The following C12orf42 variants were observed in gnomAD, a reference collection of about 807,000 sequenced individuals.
The protein encoded by C12orf42 is uncharacterized protein C12orf42.
Under a neutral mutation model 21.6 loss-of-function variants are expected in C12orf42, and 25 were observed. That is an observed-to-expected ratio of 1.16 (90% CI 0.84 to 1.62). The LOEUF is 1.62. Among genes scored for constraint, C12orf42 ranks in the 40% most tolerant of loss-of-function variants. C12orf42 has a pLI of 0.00. For synonymous variants in C12orf42, 174 were observed against 175.0 expected (o/e 0.99, Z 0.05); for missense variants, 483 against 459.3 (o/e 1.05, Z -0.47).
At chr12:103,455,539 A>G (rs540412684) in intron 2 of C12orf42, among the ~76,000 whole-genome samples, 10 of 152,184 alleles carry the variant, frequency 6.6e-5, no homozygotes, top group African/African-American at 4.8e-5. Context: ...TGACATCACC[A>G]TCTTGGTCAC....
the C12orf42 span, among the ~76,000 whole-genome samples, chr12:103,213,618 T>A: frequency 6.6e-6 from 1 of 152,182 alleles, no homozygotes. Flanking sequence ...CTCCCCTGGA[T>A]CTTCGTGCAG....
intron 3 of C12orf42, among the ~76,000 whole-genome samples, chr12:103,371,473 T>C (rs1248074939): frequency 6.7e-6 from 1 of 148,464 alleles, no homozygotes; most frequent in African/African-American, 2.4e-5. Context: ...TATAAGACTT[T>C]TTTGCTGCTA....
chr12:103,170,306 T>C, the C12orf42 span, among the ~76,000 whole-genome samples: 1 of 152,196 alleles, frequency 6.6e-6, no homozygotes, highest in Non-Finnish European at 1.5e-5. Context: ...CATTTGGATG[T>C]CTAGCCTTAC....
intron 4 of C12orf42, among the ~76,000 whole-genome samples, chr12:103,322,133 A>G (rs929635774): frequency 8.2e-5 from 11 of 134,714 alleles, no homozygotes; most frequent in Admixed American, 2.1e-4. Context: ...GCGCACACAC[A>G]CACACACACA....
At chr12:103,502,780 C>T in the C12orf42 span, among the ~76,000 whole-genome samples, 7 of 152,172 alleles carry the variant, frequency 4.6e-5, no homozygotes, top group Non-Finnish European at 1.0e-4. Context: ...ATTAAGCTAC[C>T]TCTGGGGATT....
the C12orf42 span, among the ~76,000 whole-genome samples, chr12:103,542,872 T>C: frequency 2.6e-5 from 4 of 152,248 alleles, no homozygotes; most frequent in Non-Finnish European, 4.4e-5. Flanking sequence ...TTGCCTGCAC[T>C]ATTGCTGCAG....
At chr12:103,436,026 A>T (rs1272865253) in intron 2 of C12orf42, among the ~76,000 whole-genome samples, 1 of 152,012 alleles carries the variant, frequency 6.6e-6, no homozygotes. Flanking sequence ...CCTCAAAGGG[A>T]AGCCCATCAG....
chr12:103,219,069 T>G, the C12orf42 span, among the ~76,000 whole-genome samples: 1 of 152,094 alleles, frequency 6.6e-6, no homozygotes, highest in Non-Finnish European at 1.5e-5. Context: ...GACAGAACTG[T>G]TCATTCCCCT....
chr12:103,095,405 A>AC, the C12orf42 span, among the ~76,000 whole-genome samples: 2 of 152,070 alleles, frequency 1.3e-5, no homozygotes, highest in Admixed American at 1.3e-4. Context: ...CTGCCCTTGA[A>AC]CACACCAGGT....
At chr12:103,058,919 A>G in the C12orf42 span, among the ~76,000 whole-genome samples, 20 of 152,162 alleles carry the variant, frequency 1.3e-4, no homozygotes, top group Non-Finnish European at 2.2e-4. Context: ...CAATTAAAAG[A>G]ACTAGAGAAA....
At chr12:103,205,247 T>C in the C12orf42 span, among the ~76,000 whole-genome samples, 1 of 152,344 alleles carries the variant, frequency 6.6e-6, no homozygotes, top group Non-Finnish European at 1.5e-5. Flanking sequence ...TAGTTCGTTT[T>C]CACACTGCTA....
chr12:103,375,454 T>G (rs1306326677), intron 3 of C12orf42, among the ~76,000 whole-genome samples: 1 of 152,172 alleles, frequency 6.6e-6, no homozygotes, highest in Non-Finnish European at 1.5e-5. Context: ...TTATCAAAAA[T>G]GATTTGCAAT....
At chr12:103,114,937 G>A in the C12orf42 span, among the ~76,000 whole-genome samples, 7 of 152,160 alleles carry the variant, frequency 4.6e-5, no homozygotes, top group African/African-American at 1.4e-4. Flanking sequence ...AAAAAGGCAC[G>A]CCCAAACAAC....
the C12orf42 span, chr12:103,557,789 T>C: frequency 1.3e-5 from 2 of 152,218 alleles, no homozygotes; most frequent in African/African-American, 4.8e-5. Flanking sequence ...CCCCAAGCTG[T>C]TCCTTGAAGA....
chr12:103,362,992 A>G (rs1445850766), intron 4 of C12orf42, among the ~76,000 whole-genome samples: 2 of 152,130 alleles, frequency 1.3e-5, no homozygotes, highest in African/African-American at 4.8e-5. Flanking sequence ...CAAGAAGCTC[A>G]GAGAACACCT....
At chr12:103,555,191 T>G in the C12orf42 span, among the ~76,000 whole-genome samples, 1 of 152,086 alleles carries the variant, frequency 6.6e-6, no homozygotes, top group African/African-American at 2.4e-5. Context: ...TAAAGACATA[T>G]CCAAGACTGG....
At chr12:103,268,145 T>C (rs1356850332), downstream of C12orf42, 3 of 152,148 alleles carry the variant, frequency 2.0e-5, no homozygotes, top group Non-Finnish European at 4.4e-5. Flanking sequence ...CTGTCCTTTT[T>C]TTTTCTTTTC....
rs201428492 is a variant in C12orf42, at chr12:103,302,563, G to C, written c.632-4C>G. Reference sequence around the variant, plus strand: ...GTGGAAGGTCTGGCGGCAGAACCTGGAAGGCAAAGCAGGAAAGCAGGACAG... The same window carrying C: ...GTGGAAGGTCTGGCGGCAGAACCTGCAAGGCAAAGCAGGAAAGCAGGACAG... On this transcript the variant is annotated splice_region_variant and splice_polypyrimidine_tract_variant and intron_variant, in intron 5 of 5. Transcript: ENST00000548883. The C allele has an allele frequency of 1.2e-4, 190 of 1,601,352 alleles. No homozygotes were observed. The South Asian group carries it at 1.9e-3, about 16-fold the overall frequency.
the C12orf42 span, among the ~76,000 whole-genome samples, chr12:103,172,269 G>T: frequency 6.6e-6 from 1 of 152,102 alleles, no homozygotes; most frequent in Admixed American, 6.6e-5. Flanking sequence ...GGGGAGTTGA[G>T]TGGGTAGAAG....
Sources: allele counts gnomAD v4.1 joint callset (sites outside exome capture counted in the v4.1 genomes callset), GRCh38; gene constraint gnomAD v4.1.1; transcripts MANE v1.5; gene names NCBI Gene and HGNC (gene_info 2026-07-23, HGNC 2026-07-21).